CBL: variants seen among roughly 807,000 people sequenced by gnomAD.
CBL encodes the protein E3 ubiquitin-protein ligase CBL.
In CBL, 45 loss-of-function variants were observed where a neutral mutation model predicts 96.9. That is an observed-to-expected ratio of 0.46 (90% CI 0.37 to 0.60). The LOEUF is 0.60. CBL is among the 20% of genes least tolerant of loss of function. The probability of loss-of-function intolerance (pLI) is 0.00; values close to 1 mark genes in which losing one functional copy is unlikely to be tolerated. For missense variants in CBL, 1,024 were observed against 1,143.5 expected, an observed-to-expected ratio of 0.90 and a Z score of 1.51; for synonymous variants, 420 against 426.8, an observed-to-expected ratio of 0.98 and a Z score of 0.20.
At chr11:119,233,237 TTC>T (rs1304096397) in intron 2 of CBL, among the ~76,000 whole-genome samples, 1 of 152,164 alleles carries the variant, frequency 6.6e-6, no homozygotes, top group Non-Finnish European at 1.5e-5. Flanking sequence ...TCACTATGTA[TTC>T]TTTTATATTA....
At chr11:119,232,366 T>C (rs1949509698) in intron 1 of CBL, 82 bp from the exon 2 acceptor site, 2 of 1,483,992 alleles carry the variant, frequency 1.3e-6, no homozygotes. Flanking sequence ...AGAGCACATA[T>C]TTCATAACTT....
intron 14 of CBL, 132 bp from the exon 15 acceptor site, chr11:119,298,226 C>T: frequency 1.2e-6 from 1 of 823,938 alleles, no homozygotes; most frequent in Admixed American, 1.9e-5. Flanking sequence ...GTTTGGCCCA[C>T]AGTAGACAAT....
At chr11:119,230,341 A>G (rs1949492836) in intron 1 of CBL, among the ~76,000 whole-genome samples, 1 of 151,892 alleles carries the variant, frequency 6.6e-6, no homozygotes, top group Admixed American at 6.6e-5. Context: ...TTTAGTAGAG[A>G]CGGGGTTTCA....
Position 119,278,671 on chromosome 11 carries a change from T to G in CBL, c.1389T>G (p.Ala463=). 1 of 1,613,966 alleles carries G rather than the reference T, an allele frequency of 6.2e-7. No individual in the cohort carries two copies. The highest frequency in any genetic ancestry group is 1.3e-5 in the African/African-American group (1 of 74,974). ...ATGATGATGATGATGATGAACGAGC[T>G]GATGATACTCTCTTCATGATGAAGG... ...PNYDDDDDER[A]DDTLFMMKEL... is the part of the protein sequence containing the mutation. The change falls in exon 9 of 16, where the codon GCT becomes GCG. Residue 463 remains alanine, a synonymous_variant. Transcript: ENST00000264033.
chr11:119,239,631 A>G (rs1383438319), intron 2 of CBL, among the ~76,000 whole-genome samples: 1 of 152,212 alleles, frequency 6.6e-6, no homozygotes, highest in Non-Finnish European at 1.5e-5. Flanking sequence ...GAATAGGAAT[A>G]TCAGGAGTGG....
At chr11:119,297,890 G>A (rs1445702910) in intron 14 of CBL, among the ~76,000 whole-genome samples, 1 of 152,106 alleles carries the variant, frequency 6.6e-6, no homozygotes, top group Non-Finnish European at 1.5e-5. Context: ...AGAGACATTT[G>A]TGTTCTATAC....
chr11:119,239,706 T>A (rs1484489458), intron 2 of CBL, among the ~76,000 whole-genome samples: 2 of 152,186 alleles, frequency 1.3e-5, no homozygotes, highest in Admixed American at 6.5e-5. Context: ...GTATATTAGC[T>A]GTGAGATTTT....
rs538991997 is a variant in CBL, at chr11:119,298,398, C to T, written c.2292C>T (p.Pro764=). ...NLAAAHANTG[P]EESENEDDGY... Reference sequence around the variant, plus strand: ...CCGCAGCCCATGCCAACACTGGTCCCGAGGAGTCAGAAAATGAGGATGATG... The same window carrying T: ...CCGCAGCCCATGCCAACACTGGTCCTGAGGAGTCAGAAAATGAGGATGATG... Residue 764 remains proline, a synonymous_variant, in exon 15 of 16, where the codon CCC becomes CCT. Transcript: ENST00000264033. The T allele has an allele frequency of 1.2e-5, 20 of 1,614,046 alleles. No individual in the cohort carries two copies. The highest frequency in any genetic ancestry group is 1.6e-4 in the Middle Eastern group (1 of 6,080).
intron 2 of CBL, among the ~76,000 whole-genome samples, chr11:119,258,236 A>C (rs1356397482): frequency 1.3e-5 from 2 of 152,170 alleles, no homozygotes; most frequent in African/African-American, 4.8e-5. Flanking sequence ...CAAAAAAACA[A>C]AACAAAACAA....
Position 119,302,379 on chromosome 11 carries a change from G to T in CBL, c.*2598G>T, listed in dbSNP as rs1950107552. The stretch of plus-strand genomic sequence containing the variant: ...TTTCTTATATTTTCTGTTGACTAAG[G>T]CACCAGTAACCCATTCTTCACCCTC... On this transcript the variant is annotated 3_prime_UTR_variant, in exon 16 of 16. Transcript: ENST00000264033. 1.3e-5 allele frequency: 3 copies of T among 232,690 alleles called. No homozygotes were observed. Among genetic ancestry groups the T allele is most frequent in the Admixed American group, 5.6e-5 (1 of 17,762 alleles). 14.4% of individuals were successfully genotyped at this position (232,690 alleles called of 1,614,324 possible). A position where few individuals can be genotyped will look rare whatever the true frequency, so the allele number is the denominator to read the frequency against.
chr11:119,225,707 G>T (rs1266700044), intron 1 of CBL, among the ~76,000 whole-genome samples: 2 of 145,514 alleles, frequency 1.4e-5, no homozygotes, highest in African/African-American at 2.5e-5. Context: ...ACCGTATCCA[G>T]CCAATATAAA....
chr11:119,227,008 C>A (rs1949464488), intron 1 of CBL, among the ~76,000 whole-genome samples: 1 of 152,144 alleles, frequency 6.6e-6, no homozygotes, highest in South Asian at 2.1e-4. Context: ...CACTTTAAGA[C>A]CATTGAAGTA....
intron 2 of CBL, among the ~76,000 whole-genome samples, chr11:119,234,944 G>T (rs1949531577): frequency 6.6e-6 from 1 of 152,138 alleles, no homozygotes; most frequent in South Asian, 2.1e-4. Context: ...GGAGGCTCTG[G>T]TATGTTTAAA....
chr11:119,286,041 G>T (rs1426919006), intron 11 of CBL, among the ~76,000 whole-genome samples: 1 of 152,206 alleles, frequency 6.6e-6, no homozygotes, highest in African/African-American at 2.4e-5. Flanking sequence ...GCTCACACCT[G>T]CAATCACAGC....
chr11:119,262,485 G>A (rs1949761759), intron 2 of CBL, among the ~76,000 whole-genome samples: 1 of 152,182 alleles, frequency 6.6e-6, no homozygotes, highest in Admixed American at 6.5e-5. Flanking sequence ...AACTGAAACT[G>A]GATTTGGGTT....
rs1949868655 is a variant in CBL, at chr11:119,273,987, C to T, written c.710C>T (p.Ser237Leu). The change falls in exon 4 of 16, where the codon TCG (serine) becomes TTG (leucine). Residue 237 changes from serine (S) to leucine (L), a missense_variant. Transcript: ENST00000264033. ...TIDLTCNDYI[S>L]VFEFDIFTRL... ...GATCTGACCTGCAATGATTATATTT[C>T]GGTTTTTGAATTTGACATCTTTACC... The T allele has an allele frequency of 2.5e-6, 4 of 1,613,676 alleles. No homozygotes were observed. Among genetic ancestry groups the T allele is most frequent in the Non-Finnish European group, 3.4e-6 (4 of 1,179,864 alleles).
chr11:119,244,153 G>T (rs1265940459), intron 2 of CBL, among the ~76,000 whole-genome samples: 1 of 152,178 alleles, frequency 6.6e-6, no homozygotes, highest in Non-Finnish European at 1.5e-5. Context: ...TTATGGTGAA[G>T]TTCAGTGAAC....
At chr11:119,222,479 G>A (rs1232504832) in intron 1 of CBL, among the ~76,000 whole-genome samples, 4 of 152,154 alleles carry the variant, frequency 2.6e-5, no homozygotes, top group Non-Finnish European at 5.9e-5. Flanking sequence ...GGATACTGTT[G>A]GTTTCCCGGA....
At chr11:119,295,839 C>T (rs1246611921) in intron 12 of CBL, among the ~76,000 whole-genome samples, 1 of 152,180 alleles carries the variant, frequency 6.6e-6, no homozygotes, top group Non-Finnish European at 1.5e-5. Flanking sequence ...CTACTTTTAG[C>T]ATTTTATTAT....
Sources: allele counts gnomAD v4.1 joint callset (sites outside exome capture counted in the v4.1 genomes callset), GRCh38; gene constraint gnomAD v4.1.1; transcripts MANE v1.5; gene names NCBI Gene and HGNC (gene_info 2026-07-23, HGNC 2026-07-21).